Variants in DPP10 observed in about 807,000 individuals in gnomAD.
DPP10 encodes dipeptidyl peptidase like 10.
Under a neutral mutation model 120.9 loss-of-function variants are expected in DPP10, and 33 were observed. The ratio of observed to expected loss-of-function variants is 0.27; its 90% CI spans 0.21 to 0.37. The LOEUF is 0.37. Among genes scored for constraint, DPP10 ranks in the 10% least tolerant of loss-of-function variants. DPP10 has a pLI of 1.00. For synonymous variants in DPP10, 337 were observed against 326.1 expected, an observed-to-expected ratio of 1.03 and a Z score of -0.36; for missense variants, 816 against 942.8, an observed-to-expected ratio of 0.87 and a Z score of 1.76.
intron 11 of DPP10, among the ~76,000 whole-genome samples, chr2:115,761,507 A>G (rs1680110929): frequency 6.6e-6 from 1 of 152,152 alleles, no homozygotes; most frequent in African/African-American, 2.4e-5. Context: ...AACAATAACA[A>G]ATGAAGTTTT....
intron 3 of DPP10, among the ~76,000 whole-genome samples, chr2:115,433,919 C>T (rs144235951): frequency 2.0e-4 from 30 of 152,070 alleles, no homozygotes; most frequent in African/African-American, 6.5e-4. Flanking sequence ...AGATTTCCTA[C>T]ACTTCTGGAG....
chr2:114,868,096 T>C (rs1340824355), intron 1 of DPP10, among the ~76,000 whole-genome samples: 2 of 152,240 alleles, frequency 1.3e-5, no homozygotes, highest in Admixed American at 6.5e-5. Context: ...AGCCAAATCA[T>C]GGTCAAAAGT....
At chr2:114,587,826 A>C (rs1204035937) in intron 1 of DPP10, among the ~76,000 whole-genome samples, 1 of 152,204 alleles carries the variant, frequency 6.6e-6, no homozygotes, top group Non-Finnish European at 1.5e-5. Flanking sequence ...TTAAACTAAA[A>C]ATACTAGAAA....
intron 1 of DPP10, among the ~76,000 whole-genome samples, chr2:114,880,508 C>T (rs1018892932): frequency 3.9e-5 from 6 of 151,972 alleles, no homozygotes; most frequent in Admixed American, 6.6e-5. Context: ...CACAAAGAAA[C>T]ATGTTAGATA....
chr2:115,588,176 C>T (rs1004678068), intron 5 of DPP10, among the ~76,000 whole-genome samples: 1 of 152,090 alleles, frequency 6.6e-6, no homozygotes, highest in African/African-American at 2.4e-5. Context: ...GCATCTCTTA[C>T]CCATTGGGTA....
intron 3 of DPP10, among the ~76,000 whole-genome samples, chr2:115,399,303 T>C (rs1337535204): frequency 6.6e-6 from 1 of 152,182 alleles, no homozygotes; most frequent in Non-Finnish European, 1.5e-5. Context: ...TTTCTGTTTC[T>C]TTTTGTAATC....
intron 5 of DPP10, among the ~76,000 whole-genome samples, chr2:115,583,630 A>G (rs749185056): frequency 8.1e-4 from 123 of 152,190 alleles, no homozygotes; most frequent in Non-Finnish European, 1.2e-3. Flanking sequence ...AGAGACAGGA[A>G]ACAGGTAGTG....
At chr2:115,153,750 TA>T (rs1559153470) in intron 1 of DPP10, among the ~76,000 whole-genome samples, 1 of 152,196 alleles carries the variant, frequency 6.6e-6, no homozygotes, top group Non-Finnish European at 1.5e-5. Context: ...AAAATACTTA[TA>T]TTTTTCCCTA....
chr2:114,591,039 C>T (rs1261618370), intron 1 of DPP10, among the ~76,000 whole-genome samples: 2 of 152,114 alleles, frequency 1.3e-5, no homozygotes, highest in Non-Finnish European at 2.9e-5. Context: ...GAAATAAATC[C>T]TGAATAGGAG....
At chr2:115,094,171 A>C (rs1709522370) in intron 1 of DPP10, among the ~76,000 whole-genome samples, 2 of 152,234 alleles carry the variant, frequency 1.3e-5, no homozygotes, top group South Asian at 4.1e-4. Context: ...AGGTTTAATC[A>C]CTGTTACTTT....
chr2:114,479,241 T>A (rs982474264), intron 1 of DPP10, among the ~76,000 whole-genome samples: 1 of 152,152 alleles, frequency 6.6e-6, no homozygotes, highest in Non-Finnish European at 1.5e-5. Flanking sequence ...TAGACAAGCT[T>A]ATTCTCAAAT....
chr2:115,067,376 C>A (rs1288864744), intron 1 of DPP10, among the ~76,000 whole-genome samples: 3 of 151,424 alleles, frequency 2.0e-5, no homozygotes, highest in Non-Finnish European at 4.4e-5. Flanking sequence ...CTCAGCCTCC[C>A]GAGTAGCTGG....
chr2:115,113,257 G>A (rs1012517111), intron 1 of DPP10, among the ~76,000 whole-genome samples: 3 of 151,412 alleles, frequency 2.0e-5, no homozygotes, highest in African/African-American at 7.3e-5. Flanking sequence ...TGTTTCATAT[G>A]TTGTATATAT....
At chr2:114,899,076 T>G (rs927740560) in intron 1 of DPP10, among the ~76,000 whole-genome samples, 32 of 151,968 alleles carry the variant, frequency 2.1e-4, no homozygotes, top group Non-Finnish European at 2.9e-4. Context: ...TTTTTTTTTC[T>G]TTCCAAGTAT....
At chr2:114,857,107 C>G (rs904382551) in intron 1 of DPP10, among the ~76,000 whole-genome samples, 1 of 152,158 alleles carries the variant, frequency 6.6e-6, no homozygotes, top group African/African-American at 2.4e-5. Flanking sequence ...AATTCTAACA[C>G]GGGTTTACCT....
chr2:115,186,896 A>G (rs554579592), intron 1 of DPP10, among the ~76,000 whole-genome samples: 1 of 152,172 alleles, frequency 6.6e-6, no homozygotes, highest in South Asian at 2.1e-4. Flanking sequence ...AGGACTTAGA[A>G]TAGTTATATG....
chr2:114,511,290 A>G (rs1214303529), intron 1 of DPP10, among the ~76,000 whole-genome samples: 2 of 152,346 alleles, frequency 1.3e-5, no homozygotes, highest in South Asian at 2.1e-4. Flanking sequence ...TATAAAATCA[A>G]TGTGACTCCA....
At chr2:115,391,599 G>A (rs1168949728) in intron 3 of DPP10, among the ~76,000 whole-genome samples, 3 of 151,652 alleles carry the variant, frequency 2.0e-5, no homozygotes, top group Non-Finnish European at 4.4e-5. Flanking sequence ...ATACATCTGA[G>A]GTACCAATAT....
In DPP10 at chr2:115,744,383, A is replaced by G. The variant is rs1677680079; in HGVS notation, c.853-1703A>G. On this transcript the variant is annotated intron_variant, in intron 9 of 25. Transcript: ENST00000410059. ...ACATGACAACTAAATTAAAACAAGA[A>G]TGATGTGAAAGAGAGCTCATAAGAG... Among the ~76,000 whole-genome samples, 4 of 150,354 alleles carry G rather than the reference A, an allele frequency of 2.7e-5. No individual in the cohort carries two copies. In the Admixed American group the frequency reaches 2.8e-4, roughly 11 times the overall value.
Sources: allele counts gnomAD v4.1 joint callset (sites outside exome capture counted in the v4.1 genomes callset), GRCh38; gene constraint gnomAD v4.1.1; transcripts MANE v1.5; gene names NCBI Gene and HGNC (gene_info 2026-07-23, HGNC 2026-07-21).